The following HDAC9 variants were observed in gnomAD, a reference collection of about 807,000 sequenced individuals.
The protein encoded by HDAC9 is histone deacetylase 9, also known as MEF-2 interacting transcription repressor (MITR) protein.
HDAC9 carries 41 observed loss-of-function variants against 139.4 expected under a neutral mutation model. The observed-to-expected ratio is 0.29, with a 90% confidence interval of 0.23 to 0.38. The LOEUF is 0.38. HDAC9 is among the 10% of genes least tolerant of loss of function. The pLI, the probability that HDAC9 is intolerant of heterozygous loss-of-function variation, is 1.00. For synonymous variants in HDAC9, 517 were observed against 476.2 expected, an observed-to-expected ratio of 1.09 and a Z score of -1.12; for missense variants, 1,147 against 1,297.0, an observed-to-expected ratio of 0.88 and a Z score of 1.78.
At chr7:18,667,488 T>C (rs1222737136) in intron 12 of HDAC9, 1 of 984,456 alleles carries the variant, frequency 1.0e-6, no homozygotes, top group African/African-American at 1.7e-5. Context: ...CAAAAAAATT[T>C]ACTTGTATAT....
chr7:18,254,127 A>C (rs1795091561), intron 2 of HDAC9, among the ~76,000 whole-genome samples: 1 of 152,248 alleles, frequency 6.6e-6, no homozygotes, highest in African/African-American at 2.4e-5. Context: ...GAATGGCCAA[A>C]AACATAACAA....
intron 6 of HDAC9, among the ~76,000 whole-genome samples, chr7:18,608,416 G>C (rs1836147004): frequency 6.6e-6 from 1 of 151,998 alleles, no homozygotes. Flanking sequence ...TCAGCCTCCT[G>C]TTTTATAGAT....
At chr7:18,186,317 A>C (rs531594194) in intron 2 of HDAC9, among the ~76,000 whole-genome samples, 7 of 152,366 alleles carry the variant, frequency 4.6e-5, no homozygotes, top group African/African-American at 1.7e-4. Flanking sequence ...TTTTCCAAAA[A>C]GACAGTCTTG....
At chr7:18,977,838 G>C (rs1784639363) in intron 25 of HDAC9, among the ~76,000 whole-genome samples, 1 of 151,672 alleles carries the variant, frequency 6.6e-6, no homozygotes, top group Non-Finnish European at 1.5e-5. Flanking sequence ...TTTTTCAGCA[G>C]AGGAAAAGAA....
upstream of HDAC9, among the ~76,000 whole-genome samples, chr7:18,288,054 T>A (rs571449433): frequency 8.5e-5 from 13 of 152,320 alleles, no homozygotes; most frequent in Admixed American, 2.6e-4. Context: ...ACTGTATAAT[T>A]TCAGGTAAAA....
intron 22 of HDAC9, among the ~76,000 whole-genome samples, chr7:18,914,712 G>A (rs187548971): frequency 2.9e-5 from 4 of 137,316 alleles, no homozygotes; most frequent in African/African-American, 1.0e-4. Flanking sequence ...TTGATGTATT[G>A]AGTTGGAACT....
chr7:18,266,366 A>C (rs2097979), intron 2 of HDAC9, among the ~76,000 whole-genome samples: 50,486 of 152,020 alleles, frequency 0.33, 9,126 homozygotes, highest in African/African-American at 0.47. Context: ...GTTATAGGCC[A>C]AATACTCAGG....
chr7:18,968,215 CTT>C, intron 24 of HDAC9, among the ~76,000 whole-genome samples: 1 of 152,294 alleles, frequency 6.6e-6, no homozygotes, highest in East Asian at 1.9e-4. Context: ...AAATTTCTCT[CTT>C]AGCTTCCCCT....
At chr7:18,719,379 G>A (rs546103433) in intron 12 of HDAC9, among the ~76,000 whole-genome samples, 113 of 79,182 alleles carry the variant, frequency 1.4e-3, no homozygotes, top group African/African-American at 6.0e-3. Flanking sequence ...TTGTCTTGTC[G>A]CCCAGGCTGG....
intron 1 of HDAC9, among the ~76,000 whole-genome samples, chr7:18,478,624 A>G (rs891001763): frequency 2.0e-5 from 3 of 152,228 alleles, no homozygotes; most frequent in Non-Finnish European, 2.9e-5. Context: ...CCAAGATTCA[A>G]TTTAGGATTG....
intron 12 of HDAC9, among the ~76,000 whole-genome samples, chr7:18,698,885 C>T (rs1000512711): frequency 2.8e-4 from 42 of 151,850 alleles, no homozygotes; most frequent in Middle Eastern, 3.2e-3. Context: ...AATATTTTGG[C>T]AAAAAATGGT....
At chr7:18,642,583 T>C (rs570828475) in intron 8 of HDAC9, among the ~76,000 whole-genome samples, 71 of 152,114 alleles carry the variant, frequency 4.7e-4, no homozygotes, top group Middle Eastern at 3.4e-3. Context: ...TCCAAAAAAT[T>C]CTGGCCCAGG....
chr7:18,227,728 T>G (rs1050889046), intron 2 of HDAC9, among the ~76,000 whole-genome samples: 1 of 152,148 alleles, frequency 6.6e-6, no homozygotes, highest in Non-Finnish European at 1.5e-5. Context: ...TTTTTCACTA[T>G]TAGAAATATT....
At chr7:18,767,028 T>C (rs1402010044) in intron 15 of HDAC9, 78 bp from the exon 16 acceptor site, 4 of 619,814 alleles carry the variant, frequency 6.5e-6, no homozygotes, top group Non-Finnish European at 1.1e-5. Context: ...CATATTATTA[T>C]GTGTTAATAA....
At chr7:18,579,607 A>G (rs1030197238) in intron 2 of HDAC9, among the ~76,000 whole-genome samples, 3 of 152,180 alleles carry the variant, frequency 2.0e-5, no homozygotes, top group African/African-American at 7.2e-5. Context: ...TTCCCAGGTA[A>G]AAATAACGTA....
intron 12 of HDAC9, among the ~76,000 whole-genome samples, chr7:18,698,277 C>T (rs538470983): frequency 3.3e-4 from 50 of 152,292 alleles, no homozygotes; most frequent in African/African-American, 1.1e-3. Flanking sequence ...TGCTCTAAAA[C>T]GCCCGGGTTC....
At chr7:18,124,979 C>G (rs1181060346) in intron 1 of HDAC9, among the ~76,000 whole-genome samples, 2 of 151,682 alleles carry the variant, frequency 1.3e-5, no homozygotes, top group African/African-American at 4.8e-5. Context: ...GCCCTTCACA[C>G]TTTTTCATCC....
chr7:18,669,160 A>G (rs905965506), intron 12 of HDAC9, among the ~76,000 whole-genome samples: 1 of 151,722 alleles, frequency 6.6e-6, no homozygotes, highest in African/African-American at 2.4e-5. Flanking sequence ...CTAAATATAA[A>G]ACTTTATCTA....
At chr7:18,993,539 C>A (rs1053917654) in intron 25 of HDAC9, among the ~76,000 whole-genome samples, 1 of 152,162 alleles carries the variant, frequency 6.6e-6, no homozygotes, top group African/African-American at 2.4e-5. Flanking sequence ...TGGTGGCGTA[C>A]CCCTGTAGTC....
Sources: allele counts gnomAD v4.1 joint callset (sites outside exome capture counted in the v4.1 genomes callset), GRCh38; gene constraint gnomAD v4.1.1; transcripts MANE v1.5; gene names NCBI Gene and HGNC (gene_info 2026-07-23, HGNC 2026-07-21).